Variants in CCDC90B observed in about 807,000 individuals in gnomAD.
CCDC90B encodes the protein coiled-coil domain-containing protein 90B, mitochondrial.
In CCDC90B, 24 loss-of-function variants were observed where a neutral mutation model predicts 37.0. The ratio of observed to expected loss-of-function variants is 0.65; its 90% CI spans 0.47 to 0.91. The LOEUF is 0.91. Among genes scored for constraint, CCDC90B ranks in the 40% least tolerant of loss-of-function variants. The pLI, the probability that CCDC90B is intolerant of heterozygous loss-of-function variation, is 0.00. For missense variants in CCDC90B, 319 were observed against 299.0 expected, an observed-to-expected ratio of 1.07 and a Z score of -0.49; for synonymous variants, 113 against 101.1, an observed-to-expected ratio of 1.12 and a Z score of -0.71.
chr11:83,278,385 C>T lies in CCDC90B; in HGVS notation c.324+341G>A, dbSNP rs118113534. ...GTATGTATAGCAGCAATAAAATATA[C>T]TGAATATATAGAAAGATTAGCTCTT... On this transcript the variant is annotated intron_variant, in intron 3 of 8. Transcript: ENST00000529689. Among the ~76,000 whole-genome samples, 598 of 152,240 alleles carry T rather than the reference C, an allele frequency of 3.9e-3. 3 individuals are homozygous for T. The highest frequency in any genetic ancestry group is 6.8e-3 in the Non-Finnish European group (460 of 68,012).
intron 1 of CCDC90B, among the ~76,000 whole-genome samples, chr11:83,283,219 T>C (rs1865496200): frequency 6.6e-6 from 1 of 152,232 alleles, no homozygotes; most frequent in African/African-American, 2.4e-5. Context: ...TGGCATTATG[T>C]ATACACAATG....
At chr11:83,272,216 T>C (rs1377061497) in intron 7 of CCDC90B, among the ~76,000 whole-genome samples, 1 of 152,196 alleles carries the variant, frequency 6.6e-6, no homozygotes, top group Non-Finnish European at 1.5e-5. Flanking sequence ...AACTTGCACG[T>C]TGTGCACATG....
chr11:83,283,565 A>G (rs1865515213), intron 1 of CCDC90B, among the ~76,000 whole-genome samples: 1 of 152,242 alleles, frequency 6.6e-6, no homozygotes, highest in Non-Finnish European at 1.5e-5. Context: ...TCCACTTTGG[A>G]AGCCATAAGG....
At chr11:83,276,808 A>G (rs1865060199) in intron 3 of CCDC90B, among the ~76,000 whole-genome samples, 1 of 152,224 alleles carries the variant, frequency 6.6e-6, no homozygotes, top group Non-Finnish European at 1.5e-5. Context: ...ATTTTTTTAA[A>G]CTACTATGGA....
Position 83,265,930 on chromosome 11 carries a change from G to C in CCDC90B, c.644C>G (p.Ala215Gly), listed in dbSNP as rs754345507. ...CAGTGTTTTTAAGGAAGCAATTTCA[G>C]CGTCAATTTTATTACTGGTCTCTGA... ...IISETSNKIDAEIASLKTLME... is the reference protein window; with the variant it reads ...IISETSNKIDGEIASLKTLME... The change falls in exon 8 of 9, where the codon GCT (alanine) becomes GGT (glycine). Residue 215 changes from alanine to glycine, a missense_variant. Physicochemically the swap from Ala to Gly is moderately conservative, Grantham distance 60. Transcript: ENST00000529689. 2 of 1,612,560 alleles carry C rather than the reference G, an allele frequency of 1.2e-6. No homozygotes were observed. The highest frequency in any genetic ancestry group is 1.7e-6 in the Non-Finnish European group (2 of 1,179,122).
chr11:83,272,224 A>G (rs752581791), intron 7 of CCDC90B, among the ~76,000 whole-genome samples: 6 of 152,342 alleles, frequency 3.9e-5, no homozygotes, highest in Non-Finnish European at 7.3e-5. Flanking sequence ...CGTTGTGCAC[A>G]TGTACCCTAG....
intron 3 of CCDC90B, among the ~76,000 whole-genome samples, chr11:83,276,539 AG>A (rs1172847470): frequency 2.0e-5 from 3 of 152,172 alleles, no homozygotes; most frequent in Non-Finnish European, 4.4e-5. Flanking sequence ...TAGTAGAGAC[AG>A]GGTTTTGCCA....
At chr11:83,269,882 T>C (rs962890824) in intron 7 of CCDC90B, among the ~76,000 whole-genome samples, 1 of 152,224 alleles carries the variant, frequency 6.6e-6, no homozygotes, top group African/African-American at 2.4e-5. Context: ...ATATCCGTGA[T>C]GAACGTCGAT....
At chr11:83,276,514 AT>A (rs199608365) in intron 3 of CCDC90B, among the ~76,000 whole-genome samples, 1 of 151,966 alleles carries the variant, frequency 6.6e-6, no homozygotes, top group African/African-American at 2.4e-5. Context: ...TGCCTGGCTA[AT>A]TTTTTTGTAT....
intron 7 of CCDC90B, among the ~76,000 whole-genome samples, chr11:83,268,086 A>C (rs1049629361): frequency 1.3e-5 from 2 of 152,202 alleles, no homozygotes; most frequent in African/African-American, 4.8e-5. Context: ...GCCTGCCCTA[A>C]AAGAGCTCCT....
At chr11:83,271,543 T>C (rs1244979204) in intron 7 of CCDC90B, among the ~76,000 whole-genome samples, 1 of 152,134 alleles carries the variant, frequency 6.6e-6, no homozygotes, top group Non-Finnish European at 1.5e-5. Flanking sequence ...ATCAGAGAAA[T>C]GCAAACCAAA....
At chr11:83,277,223 T>C (rs1312043769) in intron 3 of CCDC90B, among the ~76,000 whole-genome samples, 1 of 152,210 alleles carries the variant, frequency 6.6e-6, no homozygotes, top group Non-Finnish European at 1.5e-5. Context: ...CCCTATATTA[T>C]AGGTAAACTT....
chr11:83,272,489 G>T (rs1448192962), intron 7 of CCDC90B, among the ~76,000 whole-genome samples: 1 of 151,324 alleles, frequency 6.6e-6, no homozygotes, highest in Non-Finnish European at 1.5e-5. Context: ...AATATATTCT[G>T]CAAATGGAAA....
intron 8 of CCDC90B, among the ~76,000 whole-genome samples, chr11:83,262,210 A>G (rs1863968892): frequency 6.6e-6 from 1 of 152,092 alleles, no homozygotes; most frequent in African/African-American, 2.4e-5. Flanking sequence ...GAAACCTATA[A>G]CCTGTATTTA....
chr11:83,286,045 T>G lies in CCDC90B; in HGVS notation c.-73A>C. The stretch of plus-strand genomic sequence containing the variant: ...TCGCACAGGCTTTCGGGCAAGGTAG[T>G]TCTGGCACCACAGGAATGCTGGGAA... On this transcript the variant is annotated 5_prime_UTR_variant, in exon 1 of 9. Coordinates refer to ENST00000529689, the MANE Select transcript of CCDC90B (RefSeq NM_021825.5). 6.4e-7 allele frequency: 1 copy of G among 1,550,472 alleles called. No individual in the cohort carries two copies. Among genetic ancestry groups the G allele is most frequent in the Non-Finnish European group, 8.7e-7 (1 of 1,149,348 alleles).
chr11:83,270,240 G>A (rs796383709), intron 7 of CCDC90B, among the ~76,000 whole-genome samples: 2 of 152,222 alleles, frequency 1.3e-5, no homozygotes, highest in Non-Finnish European at 2.9e-5. Context: ...TTTGAAAACC[G>A]GCACAAGACG....
intron 3 of CCDC90B, among the ~76,000 whole-genome samples, chr11:83,275,917 G>C (rs1864998273): frequency 6.6e-6 from 1 of 152,222 alleles, no homozygotes; most frequent in African/African-American, 2.4e-5. Flanking sequence ...GCTTAAGACA[G>C]TACTTGGCAT....
chr11:83,272,006 A>G lies in CCDC90B; in HGVS notation c.594+1641T>C, dbSNP rs574585325. On this transcript the variant is annotated intron_variant, in intron 7 of 8. Coordinates refer to ENST00000529689, the MANE Select transcript of CCDC90B (RefSeq NM_021825.5). ...CAGAAACCATCATTTTCAGCAAACT[A>G]TCACAAGGACAGAAAACCAAACACC... Among the ~76,000 whole-genome samples, 9 of 152,322 alleles carry G rather than the reference A, an allele frequency of 5.9e-5. No individual in the cohort carries two copies. In the South Asian group the frequency reaches 1.5e-3, roughly 25 times the overall value.
rs1485283274 is a variant in CCDC90B, at chr11:83,261,496, A to AT, written c.*414dup. ...TTTCATTTTATAGAAAAATGTAATT[A>AT]TGCAATGGTTATCAGGAAAGTTAAT... On this transcript the variant is annotated 3_prime_UTR_variant, in exon 9 of 9. Coordinates refer to ENST00000529689, the MANE Select transcript of CCDC90B (RefSeq NM_021825.5). The AT allele has an allele frequency of 6.5e-6, 1 of 153,602 alleles. No homozygotes were observed. The highest frequency in any genetic ancestry group is 1.4e-5 in the Non-Finnish European group (1 of 68,998). The allele number at this position is 153,602 out of a possible 1,614,324, so 9.5% of individuals were successfully genotyped here. A position where few individuals can be genotyped will look rare whatever the true frequency, so the allele number is the denominator to read the frequency against.
Sources: allele counts gnomAD v4.1 joint callset (sites outside exome capture counted in the v4.1 genomes callset), GRCh38; gene constraint gnomAD v4.1.1; transcripts MANE v1.5; gene names NCBI Gene and HGNC (gene_info 2026-07-23, HGNC 2026-07-21).